AKAP6: variants seen among roughly 807,000 people sequenced by gnomAD.
The protein encoded by AKAP6 is A-kinase anchor protein 6.
AKAP6 carries 58 observed loss-of-function variants against 188.5 expected under a neutral mutation model. That is an observed-to-expected ratio of 0.31 (90% CI 0.25 to 0.38). AKAP6 has a LOEUF of 0.38. AKAP6 is among the 10% of genes least tolerant of loss of function. The pLI, the probability that AKAP6 is intolerant of heterozygous loss-of-function variation, is 1.00. For missense variants in AKAP6, 2,710 were observed against 2,740.0 expected (o/e 0.99, Z 0.24); for synonymous variants, 989 against 998.6 (o/e 0.99, Z 0.18).
intron 9 of AKAP6, among the ~76,000 whole-genome samples, chr14:32,712,480 A>T (rs138507230): frequency 6.6e-6 from 1 of 152,038 alleles, no homozygotes; most frequent in Non-Finnish European, 1.5e-5. Context: ...ATGCCGTTTG[A>T]TAGCATTTTA....
At chr14:32,686,839 T>C (rs1889947511) in intron 8 of AKAP6, among the ~76,000 whole-genome samples, 1 of 152,184 alleles carries the variant, frequency 6.6e-6, no homozygotes, top group East Asian at 1.9e-4. Flanking sequence ...TTCCAGAAGA[T>C]ACCCCAGTCT....
At chr14:32,749,674 G>T (rs984686248) in intron 11 of AKAP6, among the ~76,000 whole-genome samples, 4 of 152,158 alleles carry the variant, frequency 2.6e-5, no homozygotes, top group Non-Finnish European at 5.9e-5. Context: ...AAAGTGAAAA[G>T]AAATACACTA....
intron 4 of AKAP6, among the ~76,000 whole-genome samples, chr14:32,566,179 A>G (rs934123217): frequency 2.6e-5 from 4 of 152,314 alleles, no homozygotes; most frequent in East Asian, 1.9e-4. Flanking sequence ...CAGAAGCTCC[A>G]TAACACGTGA....
At chr14:32,529,018 T>G (rs1241297345) in intron 2 of AKAP6, among the ~76,000 whole-genome samples, 1 of 152,164 alleles carries the variant, frequency 6.6e-6, no homozygotes, top group East Asian at 1.9e-4. Context: ...ATCTATAAAA[T>G]AACTTTCTGG....
intron 12 of AKAP6, among the ~76,000 whole-genome samples, chr14:32,775,675 C>T (rs1188405292): frequency 6.6e-6 from 1 of 152,098 alleles, no homozygotes; most frequent in Admixed American, 6.5e-5. Flanking sequence ...GCGATCCTCC[C>T]ACCTTGGCCT....
At chr14:32,348,031 A>C (rs958122761) in intron 1 of AKAP6, among the ~76,000 whole-genome samples, 3 of 152,222 alleles carry the variant, frequency 2.0e-5, no homozygotes, top group African/African-American at 7.2e-5. Context: ...ATGGACCCTG[A>C]AGGCCATGAC....
At position 32,523,164 on chromosome 14, in the gene AKAP6, C is replaced by T. The variant is rs533048825; in HGVS notation, c.325-12390C>T. Among the ~76,000 whole-genome samples the T allele has an allele frequency of 2.7e-5, 4 of 147,312 alleles. No individual in the cohort carries two copies. The South Asian group carries it at 7.1e-4, about 26-fold the overall frequency. On this transcript the variant is annotated intron_variant, in intron 2 of 13. Transcript: ENST00000280979. The stretch of plus-strand genomic sequence containing the variant: ...GACACAGGGTGGGGAACATCACACA[C>T]CGGGGCCTGTCTTGGGGTGGGGGAA...
At chr14:32,363,635 C>A (rs1594542612) in intron 1 of AKAP6, among the ~76,000 whole-genome samples, 2 of 152,318 alleles carry the variant, frequency 1.3e-5, no homozygotes, top group East Asian at 1.9e-4. Flanking sequence ...GAAGACTCAG[C>A]AAGTCTGCTC....
At chr14:32,426,453 T>C (rs1401052358) in intron 1 of AKAP6, among the ~76,000 whole-genome samples, 1 of 152,236 alleles carries the variant, frequency 6.6e-6, no homozygotes, top group East Asian at 1.9e-4. Context: ...AACCACTAAA[T>C]GTCAGTTGAT....
At chr14:32,368,605 C>T (rs529992943) in intron 1 of AKAP6, among the ~76,000 whole-genome samples, 22 of 152,100 alleles carry the variant, frequency 1.4e-4, no homozygotes, top group African/African-American at 4.8e-4. Flanking sequence ...TACCAACATA[C>T]GCAAAGGTCT....
At chr14:32,520,119 G>A (rs549585163) in intron 2 of AKAP6, among the ~76,000 whole-genome samples, 13 of 152,228 alleles carry the variant, frequency 8.5e-5, no homozygotes, top group African/African-American at 3.1e-4. Context: ...CTAAATGAAG[G>A]CAGAAATAAA....
chr14:32,511,070 A>G (rs981151753), intron 2 of AKAP6, among the ~76,000 whole-genome samples: 1 of 152,190 alleles, frequency 6.6e-6, no homozygotes, highest in Non-Finnish European at 1.5e-5. Context: ...TCCTTGATAC[A>G]GTGTAAGTGA....
chr14:32,651,946 C>T (rs1317991674), intron 7 of AKAP6, among the ~76,000 whole-genome samples: 1 of 152,080 alleles, frequency 6.6e-6, no homozygotes, highest in Non-Finnish European at 1.5e-5. Flanking sequence ...CACCCTTTGG[C>T]TGTGGATTCT....
chr14:32,579,758 T>C (rs1028624184), intron 5 of AKAP6, among the ~76,000 whole-genome samples: 1 of 152,164 alleles, frequency 6.6e-6, no homozygotes, highest in African/African-American at 2.4e-5. Flanking sequence ...CATGCTGAAT[T>C]AATGATAAGT....
intron 1 of AKAP6, among the ~76,000 whole-genome samples, chr14:32,429,031 G>A (rs1261646963): frequency 6.6e-6 from 1 of 152,180 alleles, no homozygotes; most frequent in African/African-American, 2.4e-5. Flanking sequence ...TGGAAAGGTG[G>A]CCGCAGACAA....
intron 12 of AKAP6, among the ~76,000 whole-genome samples, chr14:32,807,772 C>G (rs1955477): frequency 0.39 from 59,775 of 152,124 alleles, 11,941 homozygotes; most frequent in Non-Finnish European, 0.42. Flanking sequence ...TCACTCACCT[C>G]GTGAAATATC....
chr14:32,433,879 A>G, intron 2 of AKAP6, 62 bp downstream of exon 2: 1 of 1,482,288 alleles, frequency 6.7e-7, no homozygotes, highest in African/African-American at 1.4e-5. Flanking sequence ...GCACCTAGAG[A>G]CTGTGTTCTG....
intron 1 of AKAP6, among the ~76,000 whole-genome samples, chr14:32,423,245 C>T (rs1175932389): frequency 2.6e-5 from 4 of 152,158 alleles, no homozygotes. Flanking sequence ...TCACAGTTCA[C>T]TGCAGCCTTG....
At chr14:32,625,293 C>T (rs2139433043) in intron 7 of AKAP6, among the ~76,000 whole-genome samples, 1 of 152,170 alleles carries the variant, frequency 6.6e-6, no homozygotes, top group Admixed American at 6.5e-5. Flanking sequence ...ACAGCCACAG[C>T]TCACTTTTGG....
Sources: gnomAD v4.1 joint callset for allele counts (sites outside exome capture counted in the v4.1 genomes callset) on GRCh38, gnomAD v4.1.1 for gene constraint, MANE v1.5 for transcripts, NCBI Gene and HGNC (gene_info 2026-07-23, HGNC 2026-07-21) for gene names.